MTSS1: variants seen among roughly 807,000 people sequenced by gnomAD.
MTSS1 encodes the protein MTSS I-BAR domain containing 1.
MTSS1 carries 18 observed loss-of-function variants against 79.0 expected under a neutral mutation model. The observed-to-expected ratio is 0.23, with a 90% CI of 0.16 to 0.34. The LOEUF (loss-of-function observed/expected upper bound fraction) is 0.34, where lower values mean the gene tolerates loss of function less well. Among genes scored for constraint, MTSS1 ranks in the 10% least tolerant of loss-of-function variants. The pLI, the probability that MTSS1 is intolerant of heterozygous loss-of-function variation, is 1.00. For synonymous variants in MTSS1, 341 were observed against 368.6 expected, an observed-to-expected ratio of 0.93 and a Z score of 0.86; for missense variants, 815 against 986.2, an observed-to-expected ratio of 0.83 and a Z score of 2.33.
chr8:124,584,790 C>T (rs1830576654), intron 6 of MTSS1, among the ~76,000 whole-genome samples: 3 of 152,122 alleles, frequency 2.0e-5, no homozygotes, highest in South Asian at 4.1e-4. Flanking sequence ...TCTGCATTAT[C>T]CCAAGGCTTC....
At chr8:124,726,663 G>A (rs372415050) in intron 1 of MTSS1, among the ~76,000 whole-genome samples, 12 of 152,354 alleles carry the variant, frequency 7.9e-5, no homozygotes, top group African/African-American at 1.9e-4. Flanking sequence ...GACCATCTCC[G>A]AGGCACGAAG....
intron 3 of MTSS1, among the ~76,000 whole-genome samples, chr8:124,688,463 C>T (rs770403851): frequency 3.4e-4 from 51 of 152,074 alleles, no homozygotes; most frequent in Non-Finnish European, 5.9e-4. Flanking sequence ...GAATTGAAGC[C>T]TCATTATTCT....
At chr8:124,663,172 G>C (rs547979056) in intron 3 of MTSS1, among the ~76,000 whole-genome samples, 2 of 152,178 alleles carry the variant, frequency 1.3e-5, no homozygotes, top group Non-Finnish European at 2.9e-5. Context: ...TAGGAAAAGA[G>C]GGAGTGCCAG....
chr8:124,557,815 C>A lies in MTSS1; in HGVS notation c.1096G>T (p.Ala366Ser). Residue 366 changes from alanine (A) to serine (S), a missense_variant, in exon 11 of 14, where the codon GCA (alanine) becomes TCA (serine). Physicochemically the swap from Ala to Ser is moderately conservative, Grantham distance 99. Around this residue, in one of 2 missense-constraint regions of MTSS1, gnomAD observed 590 missense variants for 620.8 expected, o/e 0.95. Transcript: ENST00000518547. The part of the protein sequence containing the change: ...SSESHVGPTG[A>S]GLFPHCLPAS... ...GGCAGGCAATGAGGGAAAAGGCCTGCACCCGTGGGCCCCACGTGGGACTCA... is the reference window on the plus strand; with the variant it reads ...GGCAGGCAATGAGGGAAAAGGCCTGAACCCGTGGGCCCCACGTGGGACTCA... 1 of 1,604,420 alleles carries A rather than the reference C, an allele frequency of 6.2e-7. No individual in the cohort carries two copies. The highest frequency in any genetic ancestry group is 8.5e-7 in the Non-Finnish European group (1 of 1,175,544).
intron 3 of MTSS1, among the ~76,000 whole-genome samples, chr8:124,629,804 T>A (rs1382318654): frequency 5.3e-5 from 8 of 152,164 alleles, no homozygotes; most frequent in African/African-American, 1.7e-4. Flanking sequence ...CCCCCCTCCA[T>A]CTGGGAAGAA....
intron 3 of MTSS1, among the ~76,000 whole-genome samples, chr8:124,634,285 TGTTGTTGTTGTTG>T (rs1816595514): frequency 1.4e-5 from 2 of 145,528 alleles, no homozygotes; most frequent in Admixed American, 6.7e-5. Context: ...AGTTTTTTTT[TGTTGTTGTTGTTG>T]TTTTGTAGTT....
At chr8:124,714,137 C>T (rs1330915647) in intron 1 of MTSS1, among the ~76,000 whole-genome samples, 1 of 152,164 alleles carries the variant, frequency 6.6e-6, no homozygotes. Flanking sequence ...CATCAGCAGC[C>T]ACCTGACATT....
intron 6 of MTSS1, among the ~76,000 whole-genome samples, chr8:124,571,351 G>A (rs1000239451): frequency 5.3e-5 from 8 of 152,226 alleles, no homozygotes; most frequent in African/African-American, 1.7e-4. Context: ...CTTAATGTGT[G>A]TATGATACGA....
At chr8:124,614,669 G>A (rs908941844) in intron 3 of MTSS1, among the ~76,000 whole-genome samples, 8 of 152,204 alleles carry the variant, frequency 5.3e-5, no homozygotes, top group Non-Finnish European at 7.3e-5. Flanking sequence ...TTATATACCC[G>A]CATCAGATGC....
chr8:124,661,397 T>C (rs527237114), intron 3 of MTSS1, among the ~76,000 whole-genome samples: 3 of 152,206 alleles, frequency 2.0e-5, no homozygotes, highest in African/African-American at 4.8e-5. Flanking sequence ...TTACAGGATC[T>C]AGACAAAGAG....
At chr8:124,569,316 C>T (rs909330001) in intron 6 of MTSS1, among the ~76,000 whole-genome samples, 1 of 152,184 alleles carries the variant, frequency 6.6e-6, no homozygotes, top group African/African-American at 2.4e-5. Context: ...GTCAGCAAAC[C>T]ATCTTTGCAA....
At chr8:124,615,135 TGTGGCCAGA>T (rs1322746273) in intron 3 of MTSS1, among the ~76,000 whole-genome samples, 3 of 152,060 alleles carry the variant, frequency 2.0e-5, no homozygotes, top group Non-Finnish European at 4.4e-5. Flanking sequence ...AGGAGTCCAG[TGTGGCCAGA>T]GTGCCAGGGA....
intron 3 of MTSS1, among the ~76,000 whole-genome samples, chr8:124,695,198 C>G (rs764845491): frequency 4.6e-5 from 7 of 152,252 alleles, no homozygotes; most frequent in South Asian, 2.1e-4. Flanking sequence ...CAGAGCTGTT[C>G]CCTTTTGGAA....
chr8:124,600,351 A>C (rs1281825999), intron 3 of MTSS1, among the ~76,000 whole-genome samples: 2 of 152,232 alleles, frequency 1.3e-5, no homozygotes, highest in Non-Finnish European at 2.9e-5. Flanking sequence ...AAACATTTAC[A>C]TAGCTTATAA....
At chr8:124,658,763 G>A (rs144272972) in intron 3 of MTSS1, among the ~76,000 whole-genome samples, 2 of 152,090 alleles carry the variant, frequency 1.3e-5, no homozygotes, top group African/African-American at 2.4e-5. Context: ...CGCCAAGGGG[G>A]AAATCCACCC....
At chr8:124,604,283 G>A (rs1447742258) in intron 3 of MTSS1, among the ~76,000 whole-genome samples, 3 of 152,022 alleles carry the variant, frequency 2.0e-5, no homozygotes, top group East Asian at 3.8e-4. Flanking sequence ...AATTTGTGTT[G>A]GGCCACATTC....
intron 11 of MTSS1, 62 bp from the exon 12 acceptor site, chr8:124,556,467 C>T (rs1823822464): frequency 2.0e-6 from 3 of 1,503,978 alleles, no homozygotes; most frequent in Non-Finnish European, 2.7e-6. Context: ...GCTGCGGGGA[C>T]CCCATAGACA....
chr8:124,647,729 G>A (rs888157084), intron 3 of MTSS1, among the ~76,000 whole-genome samples: 32 of 152,176 alleles, frequency 2.1e-4, no homozygotes, highest in African/African-American at 7.7e-4. Context: ...ATAAAAATAA[G>A]CAAGGCAATT....
intron 4 of MTSS1, 125 bp downstream of exon 4, chr8:124,591,026 C>T (rs1479256646): frequency 3.7e-6 from 3 of 805,772 alleles, no homozygotes; most frequent in East Asian, 5.2e-5. Context: ...TAACAATACT[C>T]AGGCAATGAA....
Sources: allele counts gnomAD v4.1 joint callset (sites outside exome capture counted in the v4.1 genomes callset), GRCh38; gene constraint gnomAD v4.1.1; regional missense constraint gnomAD v4.1.1; transcripts MANE v1.5; gene names NCBI Gene and HGNC (gene_info 2026-07-23, HGNC 2026-07-21).